Variants in STK33 observed in about 807,000 individuals in gnomAD.
The protein encoded by STK33 is serine/threonine kinase 33, also known as serine/threonine-protein kinase 33.
STK33 carries 52 observed loss-of-function variants against 58.0 expected under a neutral mutation model. That is an observed-to-expected ratio of 0.90 (90% CI 0.72 to 1.13). The LOEUF (loss-of-function observed/expected upper bound fraction) is 1.13, where lower values mean the gene tolerates loss of function less well. Ranked by LOEUF, STK33 falls within the 50% of genes most tolerant of loss-of-function variation. The pLI is 0.00. For synonymous variants in STK33, 215 were observed against 200.1 expected (o/e 1.07, Z -0.63); for missense variants, 630 against 604.2 (o/e 1.04, Z -0.45).
chr11:8,419,013 G>C (rs1002153226), intron 14 of STK33, among the ~76,000 whole-genome samples: 2 of 151,862 alleles, frequency 1.3e-5, no homozygotes, highest in African/African-American at 4.8e-5. Flanking sequence ...TGCATAGTTT[G>C]CAAATATTTT....
intron 15 of STK33, among the ~76,000 whole-genome samples, chr11:8,396,897 C>A (rs1849443912): frequency 6.6e-6 from 1 of 152,210 alleles, no homozygotes; most frequent in Non-Finnish European, 1.5e-5. Context: ...AACTGCAAGG[C>A]TGCAACGAGG....
At chr11:8,430,404 T>C (rs1191481011) in intron 14 of STK33, among the ~76,000 whole-genome samples, 3 of 152,040 alleles carry the variant, frequency 2.0e-5, no homozygotes, top group African/African-American at 7.2e-5. Context: ...AAAGCAGGGG[T>C]TTCCAATCTT....
At chr11:8,536,314 T>C (rs867347752) in intron 1 of STK33, among the ~76,000 whole-genome samples, 4 of 152,136 alleles carry the variant, frequency 2.6e-5, no homozygotes, top group African/African-American at 4.8e-5. Flanking sequence ...ATCTCATAAA[T>C]TTGTACAAAT....
the STK33 span, among the ~76,000 whole-genome samples, chr11:8,362,675 TG>T: frequency 6.6e-6 from 1 of 152,220 alleles, no homozygotes; most frequent in Non-Finnish European, 1.5e-5. Flanking sequence ...AAGGCATTAA[TG>T]GGGTGTCGCT....
At chr11:8,509,120 A>G (rs1365188320) in intron 1 of STK33, among the ~76,000 whole-genome samples, 1 of 150,466 alleles carries the variant, frequency 6.6e-6, no homozygotes, top group Non-Finnish European at 1.5e-5. Context: ...CTGTCTCAAA[A>G]AAAAAAAAAA....
At chr11:8,492,162 G>A (rs979517814) in intron 1 of STK33, among the ~76,000 whole-genome samples, 1 of 152,038 alleles carries the variant, frequency 6.6e-6, no homozygotes, top group Non-Finnish European at 1.5e-5. Flanking sequence ...ATGAGATAAA[G>A]AGTCAAGACC....
At chr11:8,381,609 G>A in the STK33 span, among the ~76,000 whole-genome samples, 6 of 152,196 alleles carry the variant, frequency 3.9e-5, no homozygotes, top group Non-Finnish European at 8.8e-5. Context: ...ACTTGTAGCC[G>A]ACACCCCACC....
intron 7 of STK33, among the ~76,000 whole-genome samples, chr11:8,462,472 C>CATATAT (rs1554950292): frequency 4.8e-4 from 68 of 141,922 alleles, no homozygotes; most frequent in African/African-American, 1.6e-3. Context: ...CACACACACA[C>CATATAT]ATATATATAT....
At chr11:8,558,188 G>A (rs1180471317) in intron 1 of STK33, among the ~76,000 whole-genome samples, 2 of 152,182 alleles carry the variant, frequency 1.3e-5, no homozygotes, top group African/African-American at 4.8e-5. Context: ...GCAGGGAGCT[G>A]TTTAACTATT....
intron 1 of STK33, among the ~76,000 whole-genome samples, chr11:8,509,876 G>A (rs1952169612): frequency 6.6e-6 from 1 of 151,974 alleles, no homozygotes; most frequent in African/African-American, 2.4e-5. Context: ...TCCATGCTGT[G>A]TACATACATT....
At chr11:8,358,984 G>A in the STK33 span, among the ~76,000 whole-genome samples, 4 of 152,326 alleles carry the variant, frequency 2.6e-5, no homozygotes, top group East Asian at 7.7e-4. Context: ...GCGCGGGGAT[G>A]AGCCCACAGT....
intron 1 of STK33, among the ~76,000 whole-genome samples, chr11:8,592,253 T>C (rs2099299371): frequency 6.6e-6 from 1 of 152,132 alleles, no homozygotes; most frequent in Admixed American, 6.5e-5. Context: ...AAGCCCAGCA[T>C]AGTGGTTCCT....
At chr11:8,499,597 C>T (rs112650972) in intron 1 of STK33, among the ~76,000 whole-genome samples, 114 of 152,144 alleles carry the variant, frequency 7.5e-4, no homozygotes, top group African/African-American at 2.5e-3. Flanking sequence ...TTATAAATCA[C>T]GCTACTATAA....
intron 1 of STK33, among the ~76,000 whole-genome samples, chr11:8,589,403 G>T (rs2032236263): frequency 1.3e-5 from 2 of 152,116 alleles, no homozygotes; most frequent in South Asian, 4.1e-4. Flanking sequence ...AAAGAAGTCA[G>T]ATGCAAAAGG....
the STK33 span, among the ~76,000 whole-genome samples, chr11:8,343,634 C>T: frequency 4.3e-3 from 652 of 152,334 alleles, 4 homozygotes; most frequent in South Asian, 0.018. Flanking sequence ...GCGCCTCACT[C>T]CTGGGCTCCT....
chr11:8,452,990 T>TGCATTGAATTC, intron 10 of STK33, 84 bp from the exon 11 acceptor site: 1 of 1,239,266 alleles, frequency 8.1e-7, no homozygotes, highest in East Asian at 2.3e-5. Context: ...ACATTGAATT[T>TGCATTGAATTC]GCATTGAATT....
chr11:8,534,163 T>C (rs1954773343), intron 1 of STK33, among the ~76,000 whole-genome samples: 3 of 151,882 alleles, frequency 2.0e-5, no homozygotes, highest in Admixed American at 2.0e-4. Flanking sequence ...TAATCCCAGC[T>C]ACTCAGGAGG....
At chr11:8,390,541 C>T (rs1237076115), downstream of STK33, among the ~76,000 whole-genome samples, 2 of 152,150 alleles carry the variant, frequency 1.3e-5, no homozygotes, top group African/African-American at 4.8e-5. Context: ...GTGTTCTACA[C>T]AACGAAGTAA....
At chr11:8,462,013 A>G (rs1275193077) in intron 7 of STK33, 104 bp from the exon 8 acceptor site, 1 of 757,726 alleles carries the variant, frequency 1.3e-6, no homozygotes, top group Admixed American at 3.6e-5. Flanking sequence ...CTGTAACTTC[A>G]TATTTGAAGT....
Sources: gnomAD v4.1 joint callset for allele counts (sites outside exome capture counted in the v4.1 genomes callset) on GRCh38, gnomAD v4.1.1 for gene constraint, MANE v1.5 for transcripts, NCBI Gene and HGNC (gene_info 2026-07-23, HGNC 2026-07-21) for gene names.